The following B3GALNT1 variants were observed in gnomAD, a reference collection of about 807,000 sequenced individuals.
B3GALNT1 encodes beta-1,3-N-acetylgalactosaminyltransferase 1 (Globoside blood group).
Under a neutral mutation model 27.3 loss-of-function variants are expected in B3GALNT1, and 17 were observed. The ratio of observed to expected loss-of-function variants is 0.62; its 90% CI spans 0.43 to 0.94. The LOEUF is 0.94. Ranked by LOEUF, B3GALNT1 falls within the 40% of genes least tolerant of loss-of-function variation. The probability of loss-of-function intolerance (pLI) is 0.00; values close to 1 mark genes in which losing one functional copy is unlikely to be tolerated. For synonymous variants in B3GALNT1, 141 were observed against 144.0 expected, an observed-to-expected ratio of 0.98 and a Z score of 0.15; for missense variants, 347 against 390.0, an observed-to-expected ratio of 0.89 and a Z score of 0.93.
In B3GALNT1 at chr3:161,104,341, A is replaced by G. The variant is rs1214550812; in HGVS notation, c.-243T>C. The G allele has an allele frequency of 7.8e-7, 1 of 1,289,722 alleles. No homozygotes were observed. Among genetic ancestry groups the G allele is most frequent in the African/African-American group, 1.5e-5 (1 of 65,978 alleles). The allele number at this position is 1,289,722 out of a possible 1,614,324, so 79.9% of individuals were successfully genotyped here. On this transcript the variant is annotated 5_prime_UTR_variant, in exon 2 of 5. An upstream start codon of the reference 5' UTR is lost. Transcript: ENST00000320474. ...TACCTCTGAAAACAGAAAAAAAGACATGGTTTGGCAATTTCTTCCTTGATA... is the reference window on the plus strand; with the variant it reads ...TACCTCTGAAAACAGAAAAAAAGACGTGGTTTGGCAATTTCTTCCTTGATA...
chr3:161,096,378 G>C (rs927719425), intron 4 of B3GALNT1, among the ~76,000 whole-genome samples: 2 of 152,136 alleles, frequency 1.3e-5, no homozygotes, highest in Admixed American at 1.3e-4. Context: ...CTAGAGTCAG[G>C]ATCATCCATA....
chr3:161,089,995 A>G, intron 4 of B3GALNT1: 1 of 250,132 alleles, frequency 4.0e-6, no homozygotes, highest in Non-Finnish European at 9.0e-6. Flanking sequence ...CTTAAACCTG[A>G]GAGACGGAGA....
intron 4 of B3GALNT1, 75 bp downstream of exon 4, chr3:161,101,064 C>T: frequency 8.5e-7 from 1 of 1,173,808 alleles, no homozygotes; most frequent in Non-Finnish European, 1.1e-6. Context: ...CAGGAGAGAC[C>T]AACCTCACAT....
intron 2 of B3GALNT1, among the ~76,000 whole-genome samples, chr3:161,103,722 T>C (rs192545269): frequency 1.3e-5 from 2 of 152,256 alleles, no homozygotes; most frequent in South Asian, 2.1e-4. Flanking sequence ...TTGGACACTG[T>C]TTTTTTGTTT....
At chr3:161,096,518 T>G (rs1728261684) in intron 4 of B3GALNT1, among the ~76,000 whole-genome samples, 1 of 152,222 alleles carries the variant, frequency 6.6e-6, no homozygotes, top group Non-Finnish European at 1.5e-5. Flanking sequence ...CATATTAAGT[T>G]TAATTCAAAT....
Position 161,085,983 on chromosome 3 carries a change from C to T in B3GALNT1, c.772G>A (p.Gly258Ser). The T allele has an allele frequency of 6.3e-7, 1 of 1,588,638 alleles. No individual in the cohort carries two copies. Among genetic ancestry groups the T allele is most frequent in the Non-Finnish European group, 8.6e-7 (1 of 1,168,642 alleles). Residue 258 changes from glycine to serine, a missense_variant, in exon 5 of 5, where the codon GGT (glycine) becomes AGT (serine). Coordinates refer to ENST00000320474, the MANE Select transcript of B3GALNT1 (RefSeq NM_003781.4). ...DLVPRIYEMM[G>S]HVKPIKFEDV... ...TCAAACTTGATGGGTTTTACGTGAC[C>T]CATCATTTCATAGATCCTTGGCACC...
intron 4 of B3GALNT1, among the ~76,000 whole-genome samples, chr3:161,093,648 C>T (rs1290017391): frequency 6.6e-6 from 1 of 152,146 alleles, no homozygotes; most frequent in Admixed American, 6.5e-5. Context: ...TTCTTAAATG[C>T]CACACATCAC....
Position 161,103,461 on chromosome 3 carries a change from T to G in B3GALNT1, c.-164A>C, listed in dbSNP as rs1344760386. ...TCCAGATGAAATTAAAGCTTAAGTT[T>G]TTTGTTGTTTTCTGTATTCCATGCT... On this transcript the variant is annotated 5_prime_UTR_variant, in exon 3 of 5. Coordinates refer to ENST00000320474, the MANE Select transcript of B3GALNT1 (RefSeq NM_003781.4). 2 of 1,282,958 alleles carry G rather than the reference T, an allele frequency of 1.6e-6. No homozygotes were observed. The highest frequency in any genetic ancestry group is 2.0e-6 in the Non-Finnish European group (2 of 983,190). 79.5% of individuals were successfully genotyped at this position (1,282,958 alleles called of 1,614,324 possible). A position where few individuals can be genotyped will look rare whatever the true frequency, so the allele number is the denominator to read the frequency against.
chr3:161,091,882 GATGATGATTATACATCAGAGTTT>G (rs1450812391), intron 4 of B3GALNT1, among the ~76,000 whole-genome samples: 4 of 152,166 alleles, frequency 2.6e-5, no homozygotes, highest in African/African-American at 9.7e-5. Context: ...TGAAATTACT[GATGATGATTATACATCAGAGTTT>G]TGATAATAAA....
intron 3 of B3GALNT1, among the ~76,000 whole-genome samples, chr3:161,101,805 T>C (rs1320506009): frequency 6.6e-6 from 1 of 152,232 alleles, no homozygotes; most frequent in Non-Finnish European, 1.5e-5. Context: ...GAGATAAAAC[T>C]GGACGGTAAT....
chr3:161,086,053 G>T lies in B3GALNT1; in HGVS notation c.702C>A (p.Phe234Leu), dbSNP rs373047378. Residue 234 changes from phenylalanine to leucine, a missense_variant, in exon 5 of 5, where the codon TTC becomes TTA. Phe to Leu is a conservative substitution (Grantham distance 22, BLOSUM62 0). Coordinates refer to ENST00000320474, the MANE Select transcript of B3GALNT1 (RefSeq NM_003781.4). ...ISYQEYPFKV[F>L]PPYCSGLGYI... is the part of the protein sequence containing the mutation. ...AACCCAACCCACTGCAGTATGGAGGGAACACCTTGAAAGGATACTCCTGGT... is the reference window on the plus strand; with the variant it reads ...AACCCAACCCACTGCAGTATGGAGGTAACACCTTGAAAGGATACTCCTGGT... 6.3e-7 allele frequency: 1 copy of T among 1,592,206 alleles called. No individual in the cohort carries two copies. Among genetic ancestry groups the T allele is most frequent in the Non-Finnish European group, 8.5e-7 (1 of 1,171,252 alleles).
At chr3:161,089,284 T>C (rs576981585) in intron 4 of B3GALNT1, among the ~76,000 whole-genome samples, 27 of 152,252 alleles carry the variant, frequency 1.8e-4, no homozygotes, top group Non-Finnish European at 3.7e-4. Context: ...GGTTCTACCC[T>C]TGGCATCATT....
intron 4 of B3GALNT1, among the ~76,000 whole-genome samples, chr3:161,098,354 A>C (rs1371533242): frequency 2.0e-5 from 3 of 152,162 alleles, no homozygotes; most frequent in Non-Finnish European, 4.4e-5. Flanking sequence ...TTGGCCTGGT[A>C]TCTTCATACT....
chr3:161,104,305 C>T lies in B3GALNT1; in HGVS notation c.-221+14G>A. 1 of 1,289,442 alleles carries T rather than the reference C, an allele frequency of 7.8e-7. No homozygotes were observed. Among genetic ancestry groups the T allele is most frequent in the Non-Finnish European group, 1.0e-6 (1 of 988,718 alleles). The allele number at this position is 1,289,442 out of a possible 1,614,324, so 79.9% of individuals were successfully genotyped here. A position where few individuals can be genotyped will look rare whatever the true frequency, so the allele number is the denominator to read the frequency against. ...TGTTCCCAGTTGAACACTGCAAACC[C>T]AAATTTTCCTTACCTCTGAAAACAG... On this transcript the variant is annotated intron_variant, in intron 2 of 4. Transcript: ENST00000320474.
Position 161,086,742 on chromosome 3 carries a change from G to C in B3GALNT1, c.13C>G (p.Leu5Val). 6.2e-7 allele frequency: 1 copy of C among 1,613,968 alleles called. No homozygotes were observed. Residue 5 changes from leucine to valine, a missense_variant, in exon 5 of 5, where the codon CTC becomes GTC. Coordinates refer to ENST00000320474, the MANE Select transcript of B3GALNT1 (RefSeq NM_003781.4). MASA[L>V]WTVLPSRMSL... is the part of the protein sequence containing the mutation. ...ATCCTACTCGGAAGGACAGTCCAGA[G>C]AGCCGAGGCCATCCACAGCAGCTCA...
At chr3:161,088,322 C>T (rs1723138336) in intron 4 of B3GALNT1, among the ~76,000 whole-genome samples, 1 of 152,188 alleles carries the variant, frequency 6.6e-6, no homozygotes, top group Non-Finnish European at 1.5e-5. Context: ...CAAACTCTCT[C>T]CAGTTTGGTT....
At chr3:161,097,180 A>C (rs914978919) in intron 4 of B3GALNT1, among the ~76,000 whole-genome samples, 8 of 152,212 alleles carry the variant, frequency 5.3e-5, no homozygotes, top group African/African-American at 1.4e-4. Context: ...AACCTTTTTA[A>C]GCTTCAGTTA....
chr3:161,096,329 C>T (rs1271602672), intron 4 of B3GALNT1, among the ~76,000 whole-genome samples: 3 of 152,068 alleles, frequency 2.0e-5, no homozygotes, highest in Admixed American at 1.3e-4. Flanking sequence ...TCCAAAAAAA[C>T]AAGAAACAAA....
intron 4 of B3GALNT1, among the ~76,000 whole-genome samples, chr3:161,098,578 TG>T (rs1178706913): frequency 6.6e-6 from 1 of 152,206 alleles, no homozygotes; most frequent in African/African-American, 2.4e-5. Context: ...CCAGGCATAC[TG>T]GTGCATGCCT....
Sources: allele counts gnomAD v4.1 joint callset (sites outside exome capture counted in the v4.1 genomes callset), GRCh38; gene constraint gnomAD v4.1.1; transcripts MANE v1.5; gene names NCBI Gene and HGNC (gene_info 2026-07-23, HGNC 2026-07-21).